Variants in SCEL observed in about 807,000 individuals in gnomAD.
The protein encoded by SCEL is sciellin.
SCEL carries 113 observed loss-of-function variants against 117.6 expected under a neutral mutation model. The observed-to-expected ratio is 0.96, with a 90% CI of 0.83 to 1.12. SCEL has a LOEUF of 1.12. SCEL is among the 50% of genes most tolerant of loss of function. The pLI, the probability that SCEL is intolerant of heterozygous loss-of-function variation, is 0.00. For synonymous variants in SCEL, 270 were observed against 256.2 expected, an observed-to-expected ratio of 1.05 and a Z score of -0.51; for missense variants, 785 against 810.8, an observed-to-expected ratio of 0.97 and a Z score of 0.39.
intron 30 of SCEL, among the ~76,000 whole-genome samples, chr13:77,638,096 A>C (rs893286289): frequency 6.6e-6 from 1 of 152,124 alleles, no homozygotes; most frequent in Admixed American, 6.5e-5. Context: ...CAAGGTAGAG[A>C]TATTTTATTT....
In SCEL at chr13:77,620,377, TTA is replaced by T. The variant is rs138427499; in HGVS notation, c.1628+2321_1628+2322del. Reference sequence around the variant, plus strand: ...TAGGAAGAACAGTCACAAGGCACTGTTATATCAATTCAGTGTGACACAAGCCC... The same window carrying T: ...TAGGAAGAACAGTCACAAGGCACTGTTATCAATTCAGTGTGACACAAGCCC... On this transcript the variant is annotated intron_variant, in intron 27 of 32. Transcript: ENST00000349847. 6.6e-3 allele frequency among the ~76,000 whole-genome samples: 1,012 copies of T among 152,324 alleles called. 10 individuals are homozygous for T. Among genetic ancestry groups the T allele is most frequent in the African/African-American group, 0.023 (963 of 41,582 alleles).
intron 9 of SCEL, among the ~76,000 whole-genome samples, chr13:77,573,432 G>T (rs532496838): frequency 7.8e-4 from 119 of 152,248 alleles, no homozygotes; most frequent in Non-Finnish European, 1.4e-3. Context: ...TAAACTCTGT[G>T]CTTATTTCAT....
intron 3 of SCEL, 78 bp from the exon 4 acceptor site, chr13:77,559,726 C>A: frequency 1.5e-6 from 2 of 1,298,402 alleles, no homozygotes; most frequent in Middle Eastern, 1.9e-4. Context: ...GGAGCTCGCC[C>A]GCATGTCTCT....
At position 77,634,366 on chromosome 13, in the gene SCEL, A is replaced by G; in HGVS notation, c.1692-13A>G. ...TAAACTTTAATCATGAAGTAAAATG[A>G]TTTGTTTTGCAGCTCTAACACTGGA... On this transcript the variant is annotated splice_polypyrimidine_tract_variant and intron_variant, in intron 28 of 32. Coordinates refer to ENST00000349847, the MANE Select transcript of SCEL (RefSeq NM_144777.3). The G allele has an allele frequency of 6.2e-7, 1 of 1,609,890 alleles. No individual in the cohort carries two copies. The highest frequency in any genetic ancestry group is 8.5e-7 in the Non-Finnish European group (1 of 1,176,458).
chr13:77,587,467 C>A (rs964893013), intron 9 of SCEL, among the ~76,000 whole-genome samples: 11 of 152,098 alleles, frequency 7.2e-5, no homozygotes, highest in African/African-American at 2.7e-4. Context: ...TACTTTACTG[C>A]CAAACTGCCT....
chr13:77,601,084 T>G (rs1387996919), intron 15 of SCEL, among the ~76,000 whole-genome samples: 1 of 151,074 alleles, frequency 6.6e-6, no homozygotes. Flanking sequence ...TTTTTAAAAA[T>G]GTGGAATAGA....
chr13:77,543,362 C>T (rs1027583175), intron 1 of SCEL, among the ~76,000 whole-genome samples: 3 of 152,160 alleles, frequency 2.0e-5, no homozygotes, highest in African/African-American at 7.2e-5. Context: ...GGACTACAGG[C>T]GTGAGCCACC....
intron 10 of SCEL, among the ~76,000 whole-genome samples, chr13:77,591,048 G>A (rs2086838332): frequency 6.6e-6 from 1 of 151,980 alleles, no homozygotes. Context: ...TCCCTTTGAT[G>A]CCCATAACAA....
intron 9 of SCEL, among the ~76,000 whole-genome samples, chr13:77,581,327 A>G (rs561819509): frequency 6.6e-6 from 1 of 152,342 alleles, no homozygotes; most frequent in Non-Finnish European, 1.5e-5. Flanking sequence ...GAACAAGGAG[A>G]AACCTAATTC....
chr13:77,616,750 T>C (rs1249965899), intron 24 of SCEL, among the ~76,000 whole-genome samples: 3 of 151,828 alleles, frequency 2.0e-5, no homozygotes, highest in Non-Finnish European at 2.9e-5. Flanking sequence ...TCCTTTTTTT[T>C]TTTTTTTTTG....
chr13:77,559,457 G>A (rs919287187), intron 3 of SCEL, among the ~76,000 whole-genome samples: 1 of 152,072 alleles, frequency 6.6e-6, no homozygotes, highest in Non-Finnish European at 1.5e-5. Context: ...ATGCCAAAAA[G>A]GACTCTTCTA....
intron 19 of SCEL, among the ~76,000 whole-genome samples, chr13:77,607,837 A>G (rs968055597): frequency 2.6e-5 from 4 of 152,228 alleles, no homozygotes; most frequent in Non-Finnish European, 5.9e-5. Context: ...TGAGACTAAA[A>G]TAATGTCTCC....
At chr13:77,640,858 A>G (rs2090526720) in intron 31 of SCEL, 74 bp downstream of exon 31, 3 of 753,086 alleles carry the variant, frequency 4.0e-6, no homozygotes, top group Non-Finnish European at 2.1e-6. Context: ...AATTTAATGT[A>G]ATACATGAGA....
intron 25 of SCEL, 30 bp from the exon 26 acceptor site, chr13:77,617,773 C>T: frequency 1.9e-6 from 3 of 1,569,902 alleles, no homozygotes; most frequent in Non-Finnish European, 2.6e-6. Flanking sequence ...TCAAAATTAA[C>T]CTGCTCTCAT....
chr13:77,630,232 T>A (rs367694166), intron 28 of SCEL, among the ~76,000 whole-genome samples: 124 of 152,310 alleles, frequency 8.1e-4, no homozygotes, highest in African/African-American at 2.9e-3. Flanking sequence ...GGGTACTTTT[T>A]CTGAGACTCA....
chr13:77,642,895 A>G lies in SCEL; in HGVS notation c.2050+87A>G, dbSNP rs1181901668. The G allele has an allele frequency of 9.8e-5, 65 of 665,186 alleles. No homozygotes were observed. In the East Asian group the frequency reaches 1.9e-3, roughly 19 times the overall value. 41.2% of individuals were successfully genotyped at this position (665,186 alleles called of 1,614,324 possible). ...TTAAAATGATGTATTTTAATAAAGT[A>G]AAACATTTTACTAGTTATATTTAGT... On this transcript the variant is annotated intron_variant, in intron 32 of 32. Coordinates refer to ENST00000349847, the MANE Select transcript of SCEL (RefSeq NM_144777.3).
At position 77,589,297 on chromosome 13, in the gene SCEL, C is replaced by T. The variant is rs549450549; in HGVS notation, c.626+73C>T. ...AAATGAAAGTAAATGGACTGTGACCCGCTGTGGGCAAAGCATGAATGTTTT... is the reference window on the plus strand; with the variant it reads ...AAATGAAAGTAAATGGACTGTGACCTGCTGTGGGCAAAGCATGAATGTTTT... On this transcript the variant is annotated intron_variant, in intron 10 of 32. Coordinates refer to ENST00000349847, the MANE Select transcript of SCEL (RefSeq NM_144777.3). The T allele has an allele frequency of 2.2e-5, 24 of 1,095,754 alleles. No homozygotes were observed. In the East Asian group the frequency reaches 2.9e-4, roughly 13 times the overall value. The allele number at this position is 1,095,754 out of a possible 1,614,324, so 67.9% of individuals were successfully genotyped here.
chr13:77,581,475 T>C (rs1160057582), intron 9 of SCEL, among the ~76,000 whole-genome samples: 1 of 152,158 alleles, frequency 6.6e-6, no homozygotes, highest in Non-Finnish European at 1.5e-5. Context: ...ATGCAAAGCA[T>C]CGCTGCTTTG....
At chr13:77,557,248 G>A (rs1045495858) in intron 3 of SCEL, among the ~76,000 whole-genome samples, 1 of 152,148 alleles carries the variant, frequency 6.6e-6, no homozygotes, top group African/African-American at 2.4e-5. Context: ...ACAAAATTTT[G>A]TTTGTTTTGA....
Sources: allele counts gnomAD v4.1 joint callset (sites outside exome capture counted in the v4.1 genomes callset), GRCh38; gene constraint gnomAD v4.1.1; transcripts MANE v1.5; gene names NCBI Gene and HGNC (gene_info 2026-07-23, HGNC 2026-07-21).